Variants in CHN1 observed in about 807,000 individuals in gnomAD.
The protein encoded by CHN1 is N-chimaerin.
A neutral mutation model predicts 59.5 loss-of-function variants in CHN1; 37 were observed. The observed-to-expected ratio is 0.62, with a 90% CI of 0.48 to 0.82. CHN1 has a LOEUF of 0.82. CHN1 is among the 40% of genes least tolerant of loss of function. The pLI is 0.00. For missense variants in CHN1, 469 were observed against 571.0 expected (o/e 0.82, Z 1.82); for synonymous variants, 206 against 200.4 (o/e 1.03, Z -0.24).
At position 174,864,665 on chromosome 2, in the gene CHN1, G is replaced by A. The variant is rs548856100; in HGVS notation, c.549+13175C>T. Among the ~76,000 whole-genome samples, 4 of 152,170 alleles carry A rather than the reference G, an allele frequency of 2.6e-5. No individual in the cohort carries two copies. In the East Asian group the frequency reaches 7.7e-4, roughly 29 times the overall value. ...GCGGGCAGACTGCTTGAGCCCAGAA[G>A]TTCGAGACCAGCCTGGGCACTATGG... On this transcript the variant is annotated intron_variant, in intron 6 of 12. Coordinates refer to ENST00000409900, the MANE Select transcript of CHN1 (RefSeq NM_001822.7).
intron 1 of CHN1, among the ~76,000 whole-genome samples, chr2:174,977,872 C>T (rs558212507): frequency 1.3e-5 from 2 of 151,764 alleles, no homozygotes; most frequent in East Asian, 3.9e-4. Context: ...ATATAACCCC[C>T]CATTGCTAAA....
chr2:174,810,601 GA>G (rs1473107380), intron 10 of CHN1, among the ~76,000 whole-genome samples: 1 of 152,148 alleles, frequency 6.6e-6, no homozygotes, highest in Non-Finnish European at 1.5e-5. Context: ...AGGGATTCAG[GA>G]CTGCTCTTCC....
At chr2:174,930,246 C>T (rs1319508293) in intron 3 of CHN1, among the ~76,000 whole-genome samples, 1 of 152,018 alleles carries the variant, frequency 6.6e-6, no homozygotes. Flanking sequence ...AGGTGAGACA[C>T]AGAGAAGGAA....
chr2:174,897,584 T>C (rs1057264807), intron 5 of CHN1, among the ~76,000 whole-genome samples: 1 of 151,848 alleles, frequency 6.6e-6, no homozygotes, highest in African/African-American at 2.4e-5. Flanking sequence ...CCGCCTCCTG[T>C]AGTAGATCAA....
In CHN1 at chr2:174,844,649, C is replaced by T. The variant is rs146672478; in HGVS notation, c.627+2231G>A. Among the ~76,000 whole-genome samples the T allele has an allele frequency of 8.2e-3, 1,252 of 152,242 alleles. 11 individuals carry two copies. The highest frequency in any genetic ancestry group is 0.02 in the Middle Eastern group (6 of 294). On this transcript the variant is annotated intron_variant, in intron 7 of 12. Coordinates refer to ENST00000409900, the MANE Select transcript of CHN1 (RefSeq NM_001822.7). Reference sequence around the variant, plus strand: ...ATATCACAATCAGTGACCTTCTAAGCGAGCGTCTGTGTGGGAGAGAACTGC... The same window carrying T: ...ATATCACAATCAGTGACCTTCTAAGTGAGCGTCTGTGTGGGAGAGAACTGC...
chr2:174,993,107 A>ACC (rs1207995825), intron 1 of CHN1, among the ~76,000 whole-genome samples: 1 of 152,034 alleles, frequency 6.6e-6, no homozygotes, highest in Non-Finnish European at 1.5e-5. Context: ...CTTGCTAGCT[A>ACC]ATGGAATTCC....
At chr2:174,924,721 T>G (rs532587475) in intron 3 of CHN1, among the ~76,000 whole-genome samples, 1 of 152,214 alleles carries the variant, frequency 6.6e-6, no homozygotes, top group South Asian at 2.1e-4. Flanking sequence ...TAAAAATGAT[T>G]ATTAATAACC....
At chr2:174,922,276 G>A (rs1342351529) in intron 3 of CHN1, among the ~76,000 whole-genome samples, 1 of 152,148 alleles carries the variant, frequency 6.6e-6, no homozygotes, top group African/African-American at 2.4e-5. Context: ...CCATTTAGTA[G>A]TGTCCTTTCC....
intron 1 of CHN1, among the ~76,000 whole-genome samples, chr2:174,983,716 T>C (rs1398804401): frequency 6.6e-6 from 1 of 152,146 alleles, no homozygotes; most frequent in Non-Finnish European, 1.5e-5. Context: ...TAGTCCCAGC[T>C]GCTCGGGAGG....
chr2:174,842,573 G>A (rs1290448965), intron 7 of CHN1, among the ~76,000 whole-genome samples: 2 of 152,096 alleles, frequency 1.3e-5, no homozygotes, highest in African/African-American at 2.4e-5. Context: ...CATTCATTTT[G>A]TATTAATTTT....
chr2:174,840,391 C>T (rs758543426), intron 7 of CHN1, among the ~76,000 whole-genome samples: 5 of 152,164 alleles, frequency 3.3e-5, no homozygotes, highest in Non-Finnish European at 7.4e-5. Flanking sequence ...GTCTTAAACT[C>T]CTGGGCTCAA....
chr2:174,956,144 A>G (rs2105418795), intron 1 of CHN1, among the ~76,000 whole-genome samples: 1 of 152,358 alleles, frequency 6.6e-6, no homozygotes, highest in East Asian at 1.9e-4. Flanking sequence ...AATTACAAGT[A>G]GACTTCTCAC....
intron 7 of CHN1, 117 bp downstream of exon 7, chr2:174,846,763 T>C (rs533914410): frequency 1.2e-5 from 13 of 1,063,170 alleles, no homozygotes; most frequent in African/African-American, 1.1e-4. Context: ...ACTCCTTAAA[T>C]AGCAAGAACA....
chr2:174,907,854 A>G (rs1688585485), intron 5 of CHN1, among the ~76,000 whole-genome samples: 1 of 152,112 alleles, frequency 6.6e-6, no homozygotes, highest in African/African-American at 2.4e-5. Flanking sequence ...TTTATTTTTC[A>G]GATTGATAAA....
chr2:174,912,027 G>C (rs1688717859), intron 5 of CHN1, among the ~76,000 whole-genome samples: 2 of 152,144 alleles, frequency 1.3e-5, no homozygotes, highest in Non-Finnish European at 2.9e-5. Flanking sequence ...GGCTGTGTGA[G>C]ATGAGCAACA....
chr2:174,925,006 G>A (rs574908093), intron 3 of CHN1, among the ~76,000 whole-genome samples: 36 of 152,246 alleles, frequency 2.4e-4, no homozygotes, highest in African/African-American at 8.4e-4. Flanking sequence ...CATAAAATGG[G>A]TAGGAAAAAT....
At chr2:174,866,488 A>G (rs1013781579) in intron 6 of CHN1, among the ~76,000 whole-genome samples, 1 of 152,204 alleles carries the variant, frequency 6.6e-6, no homozygotes, top group African/African-American at 2.4e-5. Context: ...TTCCAAAAAA[A>G]AGCATTTTCA....
chr2:174,866,102 C>G (rs1687207784), intron 6 of CHN1, among the ~76,000 whole-genome samples: 1 of 152,114 alleles, frequency 6.6e-6, no homozygotes, highest in South Asian at 2.1e-4. Flanking sequence ...TGTGATAAAG[C>G]TGCTTTTGAA....
chr2:174,963,090 C>T (rs1346907821), intron 1 of CHN1, among the ~76,000 whole-genome samples: 1 of 151,948 alleles, frequency 6.6e-6, no homozygotes, highest in East Asian at 1.9e-4. Context: ...TGCTGGCACA[C>T]AGAAATGTTA....
Sources: gnomAD v4.1 joint callset for allele counts (sites outside exome capture counted in the v4.1 genomes callset) on GRCh38, gnomAD v4.1.1 for gene constraint, MANE v1.5 for transcripts, NCBI Gene and HGNC (gene_info 2026-07-23, HGNC 2026-07-21) for gene names.